Variants in ELOVL5 observed in about 807,000 individuals in gnomAD.
ELOVL5 encodes the protein very long chain fatty acid elongase 5.
A neutral mutation model predicts 38.6 loss-of-function variants in ELOVL5; 8 were observed. The observed-to-expected ratio is 0.21, with a 90% CI of 0.12 to 0.37. The LOEUF (loss-of-function observed/expected upper bound fraction) is 0.37. ELOVL5 is among the 10% of genes least tolerant of loss of function. ELOVL5 has a pLI of 1.00. For missense variants in ELOVL5, 280 were observed against 367.8 expected, an observed-to-expected ratio of 0.76 and a Z score of 1.95; for synonymous variants, 127 against 133.7, an observed-to-expected ratio of 0.95 and a Z score of 0.34.
intron 3 of ELOVL5, among the ~76,000 whole-genome samples, chr6:53,284,280 T>G: frequency 6.7e-6 from 1 of 149,576 alleles, no homozygotes. Flanking sequence ...CACTTCAGCC[T>G]GGGCAACAGA....
chr6:53,309,271 T>G (rs183206946), intron 1 of ELOVL5, among the ~76,000 whole-genome samples: 102 of 152,326 alleles, frequency 6.7e-4, no homozygotes, highest in Middle Eastern at 3.4e-3. Context: ...CATATTGAAC[T>G]GGGGCAGTAT....
chr6:53,289,743 T>C (rs1021284644), intron 3 of ELOVL5, among the ~76,000 whole-genome samples: 10 of 152,254 alleles, frequency 6.6e-5, no homozygotes, highest in Admixed American at 5.2e-4. Context: ...GAAAAACGTG[T>C]AGCTAAAATG....
chr6:53,298,284 T>C (rs1424597683), intron 1 of ELOVL5, among the ~76,000 whole-genome samples: 3 of 152,140 alleles, frequency 2.0e-5, no homozygotes, highest in South Asian at 2.1e-4. Flanking sequence ...GACTAATGGA[T>C]TGAATAAGTG....
intron 3 of ELOVL5, among the ~76,000 whole-genome samples, chr6:53,285,518 T>TATC (rs1368879918): frequency 6.6e-6 from 1 of 152,246 alleles, no homozygotes; most frequent in African/African-American, 2.4e-5. Flanking sequence ...TGCAGCCAGT[T>TATC]ATCTGGAAGA....
intron 1 of ELOVL5, among the ~76,000 whole-genome samples, chr6:53,305,251 G>A (rs560158989): frequency 8.2e-4 from 116 of 141,836 alleles, no homozygotes; most frequent in Non-Finnish European, 1.4e-3. Flanking sequence ...GGGCAGAGGG[G>A]CTCCTCACTT....
At chr6:53,342,473 T>G (rs1027856370) in intron 1 of ELOVL5, among the ~76,000 whole-genome samples, 7 of 152,292 alleles carry the variant, frequency 4.6e-5, no homozygotes, top group Non-Finnish European at 8.8e-5. Context: ...ATGGCTTCAA[T>G]TAGGTCTGTT....
chr6:53,287,727 G>C (rs1766625187), intron 3 of ELOVL5: 1 of 712,188 alleles, frequency 1.4e-6, no homozygotes, highest in Admixed American at 2.4e-5. Context: ...GGTGTTGCTG[G>C]GGTTTGAGTA....
chr6:53,325,574 C>T (rs1380726130), intron 1 of ELOVL5, among the ~76,000 whole-genome samples: 1 of 152,192 alleles, frequency 6.6e-6, no homozygotes, highest in Non-Finnish European at 1.5e-5. Context: ...CAGTCAGAGA[C>T]AGAGAGTCAC....
chr6:53,304,834 A>C (rs1286188128), intron 1 of ELOVL5, among the ~76,000 whole-genome samples: 1 of 128,782 alleles, frequency 7.8e-6, no homozygotes, highest in Non-Finnish European at 1.6e-5. Flanking sequence ...TTCTTTCTAC[A>C]CAGCACAGCA....
intron 1 of ELOVL5, among the ~76,000 whole-genome samples, chr6:53,348,291 A>C (rs562985686): frequency 1.2e-4 from 19 of 152,228 alleles, no homozygotes; most frequent in African/African-American, 4.3e-4. Flanking sequence ...GAAAGGCCGG[A>C]GAGTCCCCCC....
At chr6:53,315,670 T>C (rs1768001370) in intron 1 of ELOVL5, among the ~76,000 whole-genome samples, 1 of 152,180 alleles carries the variant, frequency 6.6e-6, no homozygotes, top group African/African-American at 2.4e-5. Flanking sequence ...TGTGAAAATC[T>C]GATTAAAGCA....
At chr6:53,316,717 G>A (rs879622153) in intron 1 of ELOVL5, among the ~76,000 whole-genome samples, 2 of 146,534 alleles carry the variant, frequency 1.4e-5, no homozygotes, top group Admixed American at 6.8e-5. Flanking sequence ...AGAGGGGGGA[G>A]TCCAAGCTCT....
intron 1 of ELOVL5, among the ~76,000 whole-genome samples, chr6:53,321,417 A>G (rs540047944): frequency 1.3e-5 from 2 of 152,298 alleles, no homozygotes; most frequent in African/African-American, 4.8e-5. Context: ...TATTCCTCTA[A>G]TATTAGACAT....
rs566691052 is a variant in ELOVL5, at chr6:53,339,945, G to A, written c.-9+8872C>T. 1.3e-4 allele frequency among the ~76,000 whole-genome samples: 20 copies of A among 152,310 alleles called. No homozygotes were observed. In the South Asian group the frequency reaches 3.1e-3, roughly 24 times the overall value. The stretch of plus-strand genomic sequence containing the variant: ...TGTTACTGCTCCTACAGACCTTTCA[G>A]TGGGACAAGATGTGGAGATGGAAGA... On this transcript the variant is annotated intron_variant, in intron 1 of 7. Coordinates refer to ENST00000304434, the MANE Select transcript of ELOVL5 (RefSeq NM_021814.5).
chr6:53,273,095 T>C, intron 6 of ELOVL5, 125 bp downstream of exon 6: 1 of 1,067,650 alleles, frequency 9.4e-7, no homozygotes, highest in Non-Finnish European at 1.4e-6. Context: ...TCAAGGAATT[T>C]AATTACATCA....
chr6:53,316,860 T>C (rs1768065820), intron 1 of ELOVL5, among the ~76,000 whole-genome samples: 1 of 152,176 alleles, frequency 6.6e-6, no homozygotes, highest in African/African-American at 2.4e-5. Context: ...TTCACTTTAC[T>C]AATTTTATTA....
At chr6:53,273,156 A>T in intron 6 of ELOVL5, 64 bp downstream of exon 6, 1 of 1,576,512 alleles carries the variant, frequency 6.3e-7, no homozygotes, top group Middle Eastern at 1.7e-4. Flanking sequence ...CATAACACTA[A>T]AGCCAGGAAG....
At chr6:53,336,562 G>A (rs76996105) in intron 1 of ELOVL5, among the ~76,000 whole-genome samples, 2,208 of 152,322 alleles carry the variant, frequency 0.014, 62 homozygotes, top group African/African-American at 0.05. Flanking sequence ...GCAGGAGGCT[G>A]AAGTAGGAGG....
At position 53,269,064 on chromosome 6, in the gene ELOVL5, G is replaced by C; in HGVS notation, c.*63C>G. 6.4e-7 allele frequency: 1 copy of C among 1,569,196 alleles called. No individual in the cohort carries two copies. Among genetic ancestry groups the C allele is most frequent in the South Asian group, 1.2e-5 (1 of 85,872 alleles). Reference sequence around the variant, plus strand: ...TACAGCAGCTGTTAACGAGCATTGGGGCACAACTCATATTGTGCTTACAAT... The same window carrying C: ...TACAGCAGCTGTTAACGAGCATTGGCGCACAACTCATATTGTGCTTACAAT... On this transcript the variant is annotated 3_prime_UTR_variant, in exon 8 of 8. Coordinates refer to ENST00000304434, the MANE Select transcript of ELOVL5 (RefSeq NM_021814.5).
Sources: allele counts gnomAD v4.1 joint callset (sites outside exome capture counted in the v4.1 genomes callset), GRCh38; gene constraint gnomAD v4.1.1; transcripts MANE v1.5; gene names NCBI Gene and HGNC (gene_info 2026-07-23, HGNC 2026-07-21).